The following TMEM132D variants were observed in gnomAD, a reference collection of about 807,000 sequenced individuals.
TMEM132D encodes the protein mature OL transmembrane protein.
A neutral mutation model predicts 62.3 loss-of-function variants in TMEM132D; 21 were observed. The ratio of observed to expected loss-of-function variants is 0.34; its 90% CI spans 0.24 to 0.49. The LOEUF (loss-of-function observed/expected upper bound fraction) is 0.49, where lower values mean the gene tolerates loss of function less well. Among genes scored for constraint, TMEM132D ranks in the 20% least tolerant of loss-of-function variants. The pLI is 0.99. For synonymous variants in TMEM132D, 621 were observed against 575.6 expected, an observed-to-expected ratio of 1.08 and a Z score of -1.13; for missense variants, 1,346 against 1,402.8, an observed-to-expected ratio of 0.96 and a Z score of 0.65.
intron 4 of TMEM132D, among the ~76,000 whole-genome samples, chr12:129,214,131 T>A (rs1879136672): frequency 6.6e-6 from 1 of 152,228 alleles, no homozygotes; most frequent in Non-Finnish European, 1.5e-5. Context: ...ATGGTGACAC[T>A]TGGACCTGGT....
At chr12:129,526,208 A>G (rs551763832) in intron 3 of TMEM132D, among the ~76,000 whole-genome samples, 1 of 152,284 alleles carries the variant, frequency 6.6e-6, no homozygotes, top group African/African-American at 2.4e-5. Context: ...TCCTATGGAA[A>G]TCCCACATGT....
intron 3 of TMEM132D, among the ~76,000 whole-genome samples, chr12:129,513,642 G>A (rs1461485110): frequency 1.9e-4 from 28 of 149,682 alleles, no homozygotes; most frequent in Non-Finnish European, 2.7e-4. Context: ...CCACCACCAC[G>A]CCCGGATAAT....
At chr12:129,151,880 CTTT>C (rs11384544) in intron 5 of TMEM132D, among the ~76,000 whole-genome samples, 5 of 133,516 alleles carry the variant, frequency 3.7e-5, no homozygotes, top group Admixed American at 2.3e-4. Flanking sequence ...GTGATTCAAC[CTTT>C]TTTTTTTTTT....
intron 3 of TMEM132D, among the ~76,000 whole-genome samples, chr12:129,513,777 G>A (rs1337759077): frequency 4.0e-5 from 6 of 150,286 alleles, no homozygotes; most frequent in Non-Finnish European, 7.4e-5. Flanking sequence ...GAGCCACCGC[G>A]CCCGGCCAAT....
intron 2 of TMEM132D, among the ~76,000 whole-genome samples, chr12:129,658,551 A>G (rs1355438483): frequency 3.3e-5 from 5 of 152,174 alleles, no homozygotes; most frequent in African/African-American, 1.2e-4. Context: ...TCATCCTCCC[A>G]GCAACACGTA....
chr12:129,359,222 C>T (rs139194284), intron 3 of TMEM132D, among the ~76,000 whole-genome samples: 1 of 152,036 alleles, frequency 6.6e-6, no homozygotes, highest in Non-Finnish European at 1.5e-5. Flanking sequence ...CAACAATAGG[C>T]CAATCCATAG....
At chr12:129,125,499 A>ATTTTTTTTTTTTTTTT (rs1565972138) in intron 5 of TMEM132D, among the ~76,000 whole-genome samples, 1 of 127,834 alleles carries the variant, frequency 7.8e-6, no homozygotes. Context: ...AATTACTATG[A>ATTTTTTTTTTTTTTTT]GTTTTTTTTT....
chr12:129,089,621 G>T (rs1364519407), intron 5 of TMEM132D, among the ~76,000 whole-genome samples: 1 of 152,186 alleles, frequency 6.6e-6, no homozygotes, highest in East Asian at 1.9e-4. Context: ...CCTGACGGGG[G>T]CCTTGCTGGT....
chr12:129,455,304 C>A (rs1051122377), intron 3 of TMEM132D, among the ~76,000 whole-genome samples: 5 of 152,212 alleles, frequency 3.3e-5, no homozygotes, highest in African/African-American at 1.2e-4. Flanking sequence ...CATGTACAGG[C>A]TTTGCATCCT....
chr12:129,710,785 G>C (rs1404803577), intron 1 of TMEM132D, among the ~76,000 whole-genome samples: 1 of 152,068 alleles, frequency 6.6e-6, no homozygotes, highest in Admixed American at 6.5e-5. Context: ...CTCCCCTCAG[G>C]CTTCGCACCT....
chr12:129,316,700 G>T (rs750455777), intron 4 of TMEM132D, among the ~76,000 whole-genome samples: 12 of 152,078 alleles, frequency 7.9e-5, no homozygotes, highest in Non-Finnish European at 1.8e-4. Context: ...TTGTTTCTTT[G>T]TTGACTTTCT....
Position 129,827,367 on chromosome 12 carries a change from C to T in TMEM132D, c.79+75894G>A, listed in dbSNP as rs544677074. 6.6e-6 allele frequency among the ~76,000 whole-genome samples: 1 copy of T among 152,268 alleles called. No homozygotes were observed. Among genetic ancestry groups the T allele is most frequent in the African/African-American group, 2.4e-5 (1 of 41,568 alleles). ...CCAAATTCATGGTCACACCCCCAGGCAGAACTCTGGAGCACTGGCTAAAAA... is the reference window on the plus strand; with the variant it reads ...CCAAATTCATGGTCACACCCCCAGGTAGAACTCTGGAGCACTGGCTAAAAA... On this transcript the variant is annotated intron_variant, in intron 1 of 8. Transcript: ENST00000422113. The surrounding 1 kb of genome is among the most constrained non-coding windows in gnomAD (Gnocchi z 9.7).
chr12:129,740,664 A>G (rs367857310), intron 1 of TMEM132D, among the ~76,000 whole-genome samples: 27 of 152,328 alleles, frequency 1.8e-4, no homozygotes, highest in South Asian at 1.2e-3. Flanking sequence ...CCAACATTAC[A>G]AAGCACAGAT....
chr12:129,430,578 A>T (rs1872628067), intron 3 of TMEM132D, among the ~76,000 whole-genome samples: 1 of 152,156 alleles, frequency 6.6e-6, no homozygotes, highest in South Asian at 2.1e-4. Context: ...GCTAGATTAC[A>T]GGATTGAGCC....
At chr12:129,471,650 A>G (rs1485907643) in intron 3 of TMEM132D, among the ~76,000 whole-genome samples, 1 of 152,236 alleles carries the variant, frequency 6.6e-6, no homozygotes, top group Non-Finnish European at 1.5e-5. Flanking sequence ...ATTAACCTTC[A>G]TGAGGAAGGC....
chr12:129,178,040 C>T (rs1877957464), intron 5 of TMEM132D, among the ~76,000 whole-genome samples: 5 of 152,170 alleles, frequency 3.3e-5, no homozygotes, highest in African/African-American at 1.2e-4. Flanking sequence ...TTCTGTCCTG[C>T]ATTAGTTCAC....
At chr12:129,578,406 T>A (rs1459592819) in intron 2 of TMEM132D, among the ~76,000 whole-genome samples, 3 of 34,662 alleles carry the variant, frequency 8.7e-5, no homozygotes, top group African/African-American at 2.8e-4. Flanking sequence ...AGTAATACAA[T>A]TATGTGTGTG....
At chr12:129,542,489 A>C (rs1876609943) in intron 2 of TMEM132D, among the ~76,000 whole-genome samples, 1 of 152,184 alleles carries the variant, frequency 6.6e-6, no homozygotes, top group African/African-American at 2.4e-5. Flanking sequence ...TCATTGAAAA[A>C]TGGTATAGAA....
rs147748297 is a variant in TMEM132D, at chr12:129,207,086, G to A, written c.1443+2434C>T. On this transcript the variant is annotated intron_variant, in intron 5 of 8. Transcript: ENST00000422113. ...CTATTAATATATAACAAACCTGTACGTGTACCCCCAAACCTGAAATAAAAG... is the reference window on the plus strand; with the variant it reads ...CTATTAATATATAACAAACCTGTACATGTACCCCCAAACCTGAAATAAAAG... 5.1e-3 allele frequency among the ~76,000 whole-genome samples: 779 copies of A among 152,120 alleles called. 9 individuals carry two copies. Among genetic ancestry groups the A allele is most frequent in the African/African-American group, 0.018 (732 of 41,496 alleles).
Sources: gnomAD v4.1 joint callset for allele counts (sites outside exome capture counted in the v4.1 genomes callset) on GRCh38, gnomAD v4.1.1 for gene constraint, Gnocchi (gnomAD v3.1) non-coding constraint, MANE v1.5 for transcripts, NCBI Gene and HGNC (gene_info 2026-07-23, HGNC 2026-07-21) for gene names.